The following RELL1 variants were observed in gnomAD, a reference collection of about 807,000 sequenced individuals.
RELL1 encodes RELT-like protein 1.
A neutral mutation model predicts 23.0 loss-of-function variants in RELL1; 10 were observed. The observed-to-expected ratio is 0.43, with a 90% CI of 0.27 to 0.74. The LOEUF is 0.74. Ranked by LOEUF, RELL1 falls within the 30% of genes least tolerant of loss-of-function variation. The pLI, the probability that RELL1 is intolerant of heterozygous loss-of-function variation, is 0.19. For missense variants in RELL1, 315 were observed against 364.4 expected (o/e 0.86, Z 1.10); for synonymous variants, 146 against 146.8 (o/e 0.99, Z 0.04).
chr4:37,685,156 G>A (rs1166443153), intron 1 of RELL1, among the ~76,000 whole-genome samples: 1 of 152,178 alleles, frequency 6.6e-6, no homozygotes, highest in Non-Finnish European at 1.5e-5. Context: ...AAAGTTGTAA[G>A]CGACTGAAAT....
At chr4:37,613,591 C>A (rs1260889982) in intron 6 of RELL1, among the ~76,000 whole-genome samples, 1 of 152,076 alleles carries the variant, frequency 6.6e-6, no homozygotes, top group African/African-American at 2.4e-5. Context: ...TGTGCCCCTC[C>A]CCCTTTCTCT....
intron 6 of RELL1, among the ~76,000 whole-genome samples, chr4:37,598,786 G>T (rs1401155155): frequency 6.6e-6 from 1 of 152,048 alleles, no homozygotes; most frequent in African/African-American, 2.4e-5. Context: ...CCAGCTTCAA[G>T]CGATTCTCCT....
intron 6 of RELL1, among the ~76,000 whole-genome samples, chr4:37,594,705 C>A (rs1718769192): frequency 6.6e-6 from 1 of 152,206 alleles, no homozygotes; most frequent in Non-Finnish European, 1.5e-5. Flanking sequence ...ATAGCACATG[C>A]CCATCTGTCC....
downstream of RELL1, among the ~76,000 whole-genome samples, chr4:37,605,718 G>A (rs569006686): frequency 6.7e-6 from 1 of 148,602 alleles, no homozygotes; most frequent in South Asian, 2.1e-4. Context: ...CTCTGGCCTG[G>A]GCGACAGAGT....
At chr4:37,671,045 G>A (rs552028448) in intron 1 of RELL1, among the ~76,000 whole-genome samples, 2 of 152,186 alleles carry the variant, frequency 1.3e-5, no homozygotes, top group South Asian at 2.1e-4. Context: ...AACACCAACC[G>A]GGTGTCCCAC....
Position 37,631,536 on chromosome 4 carries a change from T to C in RELL1, c.681-13A>G, listed in dbSNP as rs1259946418. 6.2e-6 allele frequency: 10 copies of C among 1,613,462 alleles called. No homozygotes were observed. Among genetic ancestry groups the C allele is most frequent in the Non-Finnish European group, 7.6e-6 (9 of 1,179,710 alleles). On this transcript the variant is annotated splice_polypyrimidine_tract_variant and intron_variant, in intron 5 of 6. Transcript: ENST00000454158. ...TGTAACTCTAAATCTGAGGGGGGAA[T>C]GGGGAGAGGTGATGGGGTTTGCTTT...
At chr4:37,680,191 A>AT (rs1491510471) in intron 1 of RELL1, among the ~76,000 whole-genome samples, 1 of 152,212 alleles carries the variant, frequency 6.6e-6, no homozygotes, top group Non-Finnish European at 1.5e-5. Flanking sequence ...AAATTAGCGA[A>AT]TATGTTTTTC....
Position 37,615,708 on chromosome 4 carries a change from T to C in RELL1, c.*4-2366A>G, listed in dbSNP as rs1021672428. 2.6e-5 allele frequency among the ~76,000 whole-genome samples: 4 copies of C among 152,230 alleles called. No individual in the cohort carries two copies. In the East Asian group the frequency reaches 5.8e-4, roughly 22 times the overall value. ...CTGGAAAAAATTAAGCGAAGTTCCATTACATGGAAAACAGAATTCAGAAAT... is the reference window on the plus strand; with the variant it reads ...CTGGAAAAAATTAAGCGAAGTTCCACTACATGGAAAACAGAATTCAGAAAT... On this transcript the variant is annotated intron_variant, in intron 6 of 6. Transcript: ENST00000454158.
intron 1 of RELL1, among the ~76,000 whole-genome samples, chr4:37,671,899 GA>G (rs1721847466): frequency 1.3e-5 from 2 of 151,780 alleles, no homozygotes; most frequent in Non-Finnish European, 1.5e-5. Flanking sequence ...ACAGAATTCA[GA>G]AAATCCCTAC....
chr4:37,600,513 A>G lies in RELL1; in HGVS notation c.*4-9296T>C, dbSNP rs539880187. Among the ~76,000 whole-genome samples the G allele has an allele frequency of 1.7e-4, 26 of 152,244 alleles. No homozygotes were observed. The South Asian group carries it at 3.7e-3, about 22-fold the overall frequency. ...CTTGGGGGCACTTCAATTTTAGTGTATTTTTATTCTCATTATCTTCATCAT... is the reference window on the plus strand; with the variant it reads ...CTTGGGGGCACTTCAATTTTAGTGTGTTTTTATTCTCATTATCTTCATCAT... On this transcript the variant is annotated intron_variant, in intron 6 of 6. Coordinates refer to the RELL1 transcript ENST00000314117.
rs1720281981 is a variant in RELL1 at position 37,635,199 on chromosome 4, G to A, written c.444-76C>T. The A allele has an allele frequency of 2.6e-6, 3 of 1,160,482 alleles. No individual in the cohort carries two copies. The Admixed American group carries it at 5.7e-5, about 22-fold the overall frequency. 71.9% of individuals were successfully genotyped at this position (1,160,482 alleles called of 1,614,324 possible). On this transcript the variant is annotated intron_variant, in intron 4 of 6. Transcript: ENST00000454158. The stretch of plus-strand genomic sequence containing the variant: ...CGAAGGTGATCTCTCTCCCTGTGAT[G>A]ACAGAAGCAGTTTAAATTGAAAGAA...
chr4:37,613,323 C>G lies in RELL1; in HGVS notation c.*23G>C, dbSNP rs1719471064. 6.6e-6 allele frequency: 1 copy of G among 152,164 alleles called. No individual in the cohort carries two copies. The highest frequency in any genetic ancestry group is 6.5e-5 in the Admixed American group (1 of 15,280). The allele number at this position is 152,164 out of a possible 1,614,324, so 9.4% of individuals were successfully genotyped here. ...CATATAAGTTTTCAGTCTCTTAGAG[C>G]TCTTCAAGTCAAGTCATTGCTGCAA... On this transcript the variant is annotated 3_prime_UTR_variant, in exon 7 of 7. Coordinates refer to ENST00000454158, the MANE Select transcript of RELL1 (RefSeq NM_001085400.2).
At chr4:37,643,088 G>C (rs1273881196) in intron 3 of RELL1, among the ~76,000 whole-genome samples, 1 of 152,222 alleles carries the variant, frequency 6.6e-6, no homozygotes, top group Non-Finnish European at 1.5e-5. Flanking sequence ...AGAAGTACCA[G>C]AGCCCTGGCT....
At chr4:37,663,298 T>C (rs1721418346) in intron 1 of RELL1, among the ~76,000 whole-genome samples, 1 of 152,156 alleles carries the variant, frequency 6.6e-6, no homozygotes, top group Non-Finnish European at 1.5e-5. Context: ...GGGAAGGGGC[T>C]GGGTGGCTGC....
chr4:37,617,257 A>G lies in RELL1; in HGVS notation c.*4-3915T>C, dbSNP rs1305173742. Among the ~76,000 whole-genome samples the G allele has an allele frequency of 2.6e-5, 4 of 152,286 alleles. No individual in the cohort carries two copies. The East Asian group carries it at 5.8e-4, about 22-fold the overall frequency. On this transcript the variant is annotated intron_variant, in intron 6 of 6. Transcript: ENST00000454158. ...TTGCAGTCCAGGACTCTGCTTTCCT[A>G]TAAGGTGCTTCATTGATTCTAATGC...
chr4:37,647,796 T>C (rs1205846963), intron 2 of RELL1, among the ~76,000 whole-genome samples: 1 of 152,208 alleles, frequency 6.6e-6, no homozygotes, highest in African/African-American at 2.4e-5. Context: ...AGATTCTCCT[T>C]GGATTTTATT....
At chr4:37,677,307 C>G (rs905186532) in intron 1 of RELL1, among the ~76,000 whole-genome samples, 5 of 152,242 alleles carry the variant, frequency 3.3e-5, no homozygotes, top group African/African-American at 1.2e-4. Context: ...AGGAAAGACA[C>G]TCACTTAAGT....
intron 6 of RELL1, among the ~76,000 whole-genome samples, chr4:37,621,633 C>T (rs909037827): frequency 1.3e-5 from 2 of 152,278 alleles, no homozygotes; most frequent in Admixed American, 1.3e-4. Flanking sequence ...AGTCTCTAGC[C>T]TCCAACACTG....
chr4:37,655,472 A>G (rs1322477661), intron 1 of RELL1, among the ~76,000 whole-genome samples: 1 of 152,192 alleles, frequency 6.6e-6, no homozygotes, highest in Non-Finnish European at 1.5e-5. Flanking sequence ...AAAGGCAGAG[A>G]TCTGGATGAT....
Sources: gnomAD v4.1 joint callset for allele counts (sites outside exome capture counted in the v4.1 genomes callset) on GRCh38, gnomAD v4.1.1 for gene constraint, MANE v1.5 for transcripts, NCBI Gene and HGNC (gene_info 2026-07-23, HGNC 2026-07-21) for gene names.